The following PIK3CB variants were observed in gnomAD, a reference collection of about 807,000 sequenced individuals.
The protein encoded by PIK3CB is phosphatidylinositol 4,5-bisphosphate 3-kinase catalytic subunit beta isoform.
In PIK3CB, 39 loss-of-function variants were observed where a neutral mutation model predicts 136.8. The ratio of observed to expected loss-of-function variants is 0.29; its 90% CI spans 0.22 to 0.37. The LOEUF is 0.37. Among genes scored for constraint, PIK3CB ranks in the 10% least tolerant of loss-of-function variants. The pLI is 1.00. For synonymous variants in PIK3CB, 428 were observed against 436.6 expected, an observed-to-expected ratio of 0.98 and a Z score of 0.25; for missense variants, 868 against 1,275.4, an observed-to-expected ratio of 0.68 and a Z score of 4.87.
Position 138,767,122 on chromosome 3 carries a change from C to G in PIK3CB, c.-16-7763G>C, listed in dbSNP as rs2045742347. The stretch of plus-strand genomic sequence containing the variant: ...CTGGGAGGCAGAAGTTGCAGTGAGC[C>G]AAGATCGTGCCACTGCACTCCAACC... On this transcript the variant is annotated intron_variant, in intron 2 of 23. Coordinates refer to ENST00000674063, the MANE Select transcript of PIK3CB (RefSeq NM_006219.3). Among the ~76,000 whole-genome samples, 3 of 151,720 alleles carry G rather than the reference C, an allele frequency of 2.0e-5. No homozygotes were observed. The South Asian group carries it at 6.3e-4, about 32-fold the overall frequency.
At chr3:138,672,930 AGAG>A (rs1435266901) in intron 19 of PIK3CB, among the ~76,000 whole-genome samples, 1,661 of 134,748 alleles carry the variant, frequency 0.012, 15 homozygotes, top group Non-Finnish European at 0.021. Flanking sequence ...AAAAAAAAAA[AGAG>A]AGAGAGAGAA....
rs191147359 is a variant in PIK3CB, at chr3:138,766,154, G to A, written c.-16-6795C>T. On this transcript the variant is annotated intron_variant, in intron 2 of 23. Coordinates refer to ENST00000674063, the MANE Select transcript of PIK3CB (RefSeq NM_006219.3). ...CTCACTGTGTTGCAATCCCAGTAAT[G>A]TTATAGGTGTTTCTGAAAATGATGT... Among the ~76,000 whole-genome samples the A allele has an allele frequency of 5.3e-5, 8 of 152,222 alleles. No individual in the cohort carries two copies. In the East Asian group the frequency reaches 1.5e-3, roughly 29 times the overall value.
chr3:138,713,570 C>A (rs891742390), intron 9 of PIK3CB, among the ~76,000 whole-genome samples: 1 of 152,006 alleles, frequency 6.6e-6, no homozygotes, highest in African/African-American at 2.4e-5. Context: ...ACTCAGGAGG[C>A]TGAGGCAGGA....
chr3:138,684,899 T>C (rs920566691), intron 16 of PIK3CB, 96 bp from the exon 17 acceptor site: 5 of 786,412 alleles, frequency 6.4e-6, no homozygotes, highest in South Asian at 1.8e-5. Flanking sequence ...TCCCAACATA[T>C]ACACATAACC....
At chr3:138,662,794 G>A (rs2108412499) in intron 21 of PIK3CB, among the ~76,000 whole-genome samples, 1 of 152,226 alleles carries the variant, frequency 6.6e-6, no homozygotes, top group South Asian at 2.1e-4. Context: ...ACTTTTTAAT[G>A]ATTGCCATTC....
intron 1 of PIK3CB, among the ~76,000 whole-genome samples, chr3:138,802,560 AG>A (rs1321666415): frequency 9.5e-5 from 14 of 147,850 alleles, no homozygotes; most frequent in Admixed American, 6.1e-4. Flanking sequence ...AAAAAAAAAA[AG>A]AGAGAAAAAA....
rs1015550634 is a variant in PIK3CB, at chr3:138,683,710, T to G, written c.2393A>C (p.Asp798Ala). ...LVYNNKVFGE[D>A]SVGVIFKNGD... ...ATTTTTAAAAATCACTCCAACTGAA[T>G]CCTCACCAAATACCTTGTTATTGTA... Residue 798 changes from aspartate (D) to alanine (A), a missense_variant, in exon 18 of 24, where the codon GAT becomes GCT. Around this residue, in one of 4 missense-constraint regions of PIK3CB, gnomAD observed 165 missense variants for 295.4 expected, o/e 0.56. Transcript: ENST00000674063. The G allele has an allele frequency of 6.3e-7, 1 of 1,593,628 alleles. No individual in the cohort carries two copies. Among genetic ancestry groups the G allele is most frequent in the African/African-American group, 1.3e-5 (1 of 74,494 alleles).
intron 6 of PIK3CB, among the ~76,000 whole-genome samples, chr3:138,735,237 C>G (rs1306049038): frequency 1.3e-5 from 2 of 152,014 alleles, no homozygotes; most frequent in Non-Finnish European, 2.9e-5. Context: ...GTGTGAGCCA[C>G]CAAGCCCAGC....
intron 19 of PIK3CB, among the ~76,000 whole-genome samples, chr3:138,679,259 A>T (rs2108469740): frequency 6.6e-6 from 1 of 152,298 alleles, no homozygotes; most frequent in South Asian, 2.1e-4. Context: ...CAATAACAAC[A>T]CAATAAAATT....
At chr3:138,768,221 G>A (rs1345345813) in intron 2 of PIK3CB, among the ~76,000 whole-genome samples, 1 of 151,964 alleles carries the variant, frequency 6.6e-6, no homozygotes, top group East Asian at 1.9e-4. Context: ...AGGAGGCCCT[G>A]GAATGGGTAG....
At chr3:138,655,554 TTA>T (rs1204772053) in intron 23 of PIK3CB, 28 bp from the exon 24 acceptor site, 1 of 1,573,866 alleles carries the variant, frequency 6.4e-7, no homozygotes, top group East Asian at 2.2e-5. Context: ...AAATATGATT[TTA>T]TATAACTTTA....
At chr3:138,773,313 C>A (rs1329689882) in intron 2 of PIK3CB, among the ~76,000 whole-genome samples, 3 of 151,946 alleles carry the variant, frequency 2.0e-5, no homozygotes. Flanking sequence ...ATCACTTTAA[C>A]CTGGGAGGCA....
intron 19 of PIK3CB, 107 bp downstream of exon 19, chr3:138,681,860 A>G: frequency 1.5e-6 from 1 of 647,360 alleles, no homozygotes; most frequent in South Asian, 2.1e-5. Flanking sequence ...ATTATTATGA[A>G]CAACAACTAA....
intron 19 of PIK3CB, among the ~76,000 whole-genome samples, chr3:138,669,204 G>A (rs559649445): frequency 6.6e-6 from 1 of 152,006 alleles, no homozygotes; most frequent in East Asian, 2.0e-4. Flanking sequence ...TTGAGTCAAG[G>A]AGTTTAAGAC....
intron 4 of PIK3CB, among the ~76,000 whole-genome samples, chr3:138,746,341 A>AT (rs78641968): frequency 0.022 from 3,284 of 152,002 alleles, 66 homozygotes; most frequent in South Asian, 0.068. Context: ...TGTTACCTTG[A>AT]TTTTTTTTAT....
intron 8 of PIK3CB, among the ~76,000 whole-genome samples, chr3:138,732,689 T>C (rs915577714): frequency 6.7e-6 from 1 of 149,590 alleles, no homozygotes; most frequent in South Asian, 2.1e-4. Context: ...GTATTACATG[T>C]TCTCTGTGCT....
intron 10 of PIK3CB, 41 bp downstream of exon 10, chr3:138,712,167 T>G (rs758110564): frequency 6.3e-6 from 6 of 956,268 alleles, no homozygotes; most frequent in Non-Finnish European, 8.2e-6. Flanking sequence ...TGCCAAAAGT[T>G]AGTTATGCTT....
At chr3:138,658,529 T>A in intron 21 of PIK3CB, among the ~76,000 whole-genome samples, 1 of 152,182 alleles carries the variant, frequency 6.6e-6, no homozygotes, top group East Asian at 1.9e-4. Flanking sequence ...AGAGGTAACT[T>A]CTTACTCTTC....
intron 1 of PIK3CB, among the ~76,000 whole-genome samples, chr3:138,833,053 C>G (rs1439934088): frequency 6.6e-6 from 1 of 151,268 alleles, no homozygotes; most frequent in African/African-American, 2.4e-5. Context: ...AAGCAAGATT[C>G]GGTCTCAAAA....
Sources: allele counts gnomAD v4.1 joint callset (sites outside exome capture counted in the v4.1 genomes callset), GRCh38; gene constraint gnomAD v4.1.1; regional missense constraint gnomAD v4.1.1; transcripts MANE v1.5; gene names NCBI Gene and HGNC (gene_info 2026-07-23, HGNC 2026-07-21).